MCC: variants seen among roughly 807,000 people sequenced by gnomAD.
The protein encoded by MCC is MCC regulator of Wnt signaling pathway.
MCC carries 90 observed loss-of-function variants against 116.2 expected under a neutral mutation model. That is an observed-to-expected ratio of 0.77 (90% CI 0.65 to 0.92). The LOEUF (loss-of-function observed/expected upper bound fraction) is 0.92. Ranked by LOEUF, MCC falls within the 40% of genes least tolerant of loss-of-function variation. The probability of loss-of-function intolerance (pLI) is 0.00; values close to 1 mark genes in which losing one functional copy is unlikely to be tolerated. For missense variants in MCC, 1,516 were observed against 1,312.2 expected (o/e 1.16, Z -2.40); for synonymous variants, 578 against 510.5 (o/e 1.13, Z -1.78).
At chr5:113,259,128 T>C (rs1179615005) in intron 3 of MCC, among the ~76,000 whole-genome samples, 2 of 152,234 alleles carry the variant, frequency 1.3e-5, no homozygotes, top group Admixed American at 1.3e-4. Flanking sequence ...CATAACCCTA[T>C]TATTGTTAAA....
intron 3 of MCC, among the ~76,000 whole-genome samples, chr5:113,200,877 G>A (rs186794447): frequency 1.2e-4 from 19 of 152,280 alleles, no homozygotes; most frequent in Admixed American, 4.6e-4. Context: ...AAGGGATTTC[G>A]TTAGGCAAAA....
At chr5:113,092,174 C>T (rs749991900) in intron 8 of MCC, among the ~76,000 whole-genome samples, 8 of 151,936 alleles carry the variant, frequency 5.3e-5, no homozygotes, top group South Asian at 4.2e-4. Flanking sequence ...TAGCCTTGTA[C>T]GGCAAAAGGG....
At chr5:113,468,651 G>C (rs201052541) in intron 1 of MCC, among the ~76,000 whole-genome samples, 1 of 151,610 alleles carries the variant, frequency 6.6e-6, no homozygotes, top group Non-Finnish European at 1.5e-5. Flanking sequence ...CTCTTTTTTG[G>C]TTGTGTCTCT....
chr5:113,109,657 A>C (rs1373224508), intron 6 of MCC, among the ~76,000 whole-genome samples: 2 of 152,256 alleles, frequency 1.3e-5, no homozygotes, highest in African/African-American at 4.8e-5. Context: ...TTACCACAAT[A>C]AATATAATAA....
At chr5:113,257,434 C>G (rs560685416) in intron 3 of MCC, among the ~76,000 whole-genome samples, 56 of 152,058 alleles carry the variant, frequency 3.7e-4, no homozygotes, top group Non-Finnish European at 6.6e-4. Flanking sequence ...AGAAGGACTC[C>G]AGGCAATGAA....
At chr5:113,381,632 C>A (rs558140339) in intron 2 of MCC, among the ~76,000 whole-genome samples, 3 of 152,038 alleles carry the variant, frequency 2.0e-5, no homozygotes, top group African/African-American at 4.8e-5. Context: ...CAAAAAAATA[C>A]AAAATATTAG....
chr5:113,192,271 C>G (rs949418257), intron 3 of MCC, among the ~76,000 whole-genome samples: 20 of 152,194 alleles, frequency 1.3e-4, no homozygotes, highest in Non-Finnish European at 2.2e-4. Flanking sequence ...TTTGAAAACA[C>G]CTTTGAGATG....
chr5:113,388,904 A>G (rs1253014826), intron 1 of MCC, among the ~76,000 whole-genome samples: 2 of 152,202 alleles, frequency 1.3e-5, no homozygotes, highest in Admixed American at 1.3e-4. Flanking sequence ...TGCCCTTTCC[A>G]TGCTATCATC....
chr5:113,232,766 AG>A (rs926946716), intron 3 of MCC, among the ~76,000 whole-genome samples: 2 of 152,196 alleles, frequency 1.3e-5, no homozygotes, highest in African/African-American at 4.8e-5. Context: ...ACGGATCTTT[AG>A]AAAAACCCAG....
chr5:113,483,916 C>G (rs1421419909), intron 1 of MCC, among the ~76,000 whole-genome samples: 1 of 152,116 alleles, frequency 6.6e-6, no homozygotes, highest in Non-Finnish European at 1.5e-5. Context: ...GACTGGAGGC[C>G]ATTACCCTTA....
intron 1 of MCC, among the ~76,000 whole-genome samples, chr5:113,466,223 T>A (rs534540798): frequency 6.6e-6 from 1 of 152,050 alleles, no homozygotes; most frequent in East Asian, 1.9e-4. Flanking sequence ...AGGGTACATG[T>A]GCACAACGTG....
At chr5:113,166,225 G>T (rs1224608900) in intron 3 of MCC, among the ~76,000 whole-genome samples, 1 of 152,120 alleles carries the variant, frequency 6.6e-6, no homozygotes, top group African/African-American at 2.4e-5. Context: ...AGGCTGTTTA[G>T]GAATGATACA....
At chr5:113,067,223 C>G (rs925481526) in intron 13 of MCC, among the ~76,000 whole-genome samples, 1 of 152,160 alleles carries the variant, frequency 6.6e-6, no homozygotes, top group Non-Finnish European at 1.5e-5. Flanking sequence ...GATCCCCGGG[C>G]TGGGGGAAGG....
At chr5:113,233,352 G>A (rs926282569) in intron 3 of MCC, among the ~76,000 whole-genome samples, 1 of 152,156 alleles carries the variant, frequency 6.6e-6, no homozygotes, top group African/African-American at 2.4e-5. Context: ...AACTAAATGT[G>A]CATCTCAAAT....
chr5:113,108,331 T>TAAAAAAAAA (rs56780207), intron 6 of MCC, among the ~76,000 whole-genome samples: 4 of 42,726 alleles, frequency 9.4e-5, no homozygotes, highest in African/African-American at 3.0e-4. Flanking sequence ...CACTCTATCT[T>TAAAAAAAAA]AAAAAAAAAA....
chr5:113,353,491 A>G (rs1768333897), intron 2 of MCC, among the ~76,000 whole-genome samples: 1 of 152,222 alleles, frequency 6.6e-6, no homozygotes, highest in Non-Finnish European at 1.5e-5. Context: ...GTCTCTCAAT[A>G]CTACTTAAAT....
At chr5:113,108,836 G>C (rs1394125680) in intron 6 of MCC, among the ~76,000 whole-genome samples, 1 of 152,130 alleles carries the variant, frequency 6.6e-6, no homozygotes, top group East Asian at 1.9e-4. Context: ...AAAAACACAG[G>C]TGAGGTGATG....
intron 2 of MCC, among the ~76,000 whole-genome samples, chr5:113,367,194 T>C (rs78500066): frequency 0.056 from 7,999 of 142,322 alleles, 397 homozygotes; most frequent in African/African-American, 0.16. Context: ...ATTATGTAAA[T>C]AATGAATATG....
intron 1 of MCC, among the ~76,000 whole-genome samples, chr5:113,459,198 G>A (rs1053743506): frequency 6.9e-6 from 1 of 145,828 alleles, no homozygotes; most frequent in African/African-American, 2.6e-5. Flanking sequence ...GGGGGGGGGA[G>A]AGAGAGAATA....
Sources: gnomAD v4.1 joint callset for allele counts (sites outside exome capture counted in the v4.1 genomes callset) on GRCh38, gnomAD v4.1.1 for gene constraint, MANE v1.5 for transcripts, NCBI Gene and HGNC (gene_info 2026-07-23, HGNC 2026-07-21) for gene names.